The following GABRA2 variants were observed in gnomAD, a reference collection of about 807,000 sequenced individuals.
GABRA2 encodes gamma-aminobutyric acid type A receptor subunit alpha2.
GABRA2 carries 16 observed loss-of-function variants against 48.7 expected under a neutral mutation model. That is an observed-to-expected ratio of 0.33 (90% confidence interval 0.22 to 0.50). The LOEUF is 0.50. GABRA2 is among the 20% of genes least tolerant of loss of function. The pLI, the probability that GABRA2 is intolerant of heterozygous loss-of-function variation, is 0.98. For missense variants in GABRA2, 275 were observed against 535.6 expected (o/e 0.51, Z 4.80); for synonymous variants, 185 against 184.5 (o/e 1.00, Z -0.02).
At chr4:46,323,423 C>A (rs16859315) in intron 4 of GABRA2, among the ~76,000 whole-genome samples, 2 of 151,760 alleles carry the variant, frequency 1.3e-5, no homozygotes, top group Non-Finnish European at 2.9e-5. Context: ...CCCTAAAAAC[C>A]GTACCAAACT....
chr4:46,303,413 T>C (rs200222572), intron 8 of GABRA2, 47 bp downstream of exon 8: 2 of 1,510,152 alleles, frequency 1.3e-6, no homozygotes, highest in Non-Finnish European at 1.8e-6. Context: ...TTTGAAAGTA[T>C]GCTATGAAAC....
chr4:46,317,975 A>C (rs1000519640), intron 4 of GABRA2, among the ~76,000 whole-genome samples: 7 of 151,636 alleles, frequency 4.6e-5, no homozygotes, highest in Non-Finnish European at 8.9e-5. Context: ...ACAAATACCG[A>C]AAGTTGATGG....
At chr4:46,294,085 C>T (rs1577940950) in intron 8 of GABRA2, among the ~76,000 whole-genome samples, 1 of 152,330 alleles carries the variant, frequency 6.6e-6, no homozygotes, top group East Asian at 1.9e-4. Flanking sequence ...CTGGCAAGGC[C>T]AGCAACACCC....
rs1000087494 is a variant in GABRA2 at position 46,306,360 on chromosome 4, G to A, written c.560-649C>T. On this transcript the variant is annotated intron_variant, in intron 6 of 9. Transcript: ENST00000381620. Reference sequence around the variant, plus strand: ...CAGTTAAACTATGGATTGGCAGGAAGAGGAAAAACTGCAACCAGATCAGAC... The same window carrying A: ...CAGTTAAACTATGGATTGGCAGGAAAAGGAAAAACTGCAACCAGATCAGAC... Among the ~76,000 whole-genome samples the A allele has an allele frequency of 6.6e-5, 10 of 152,278 alleles. No homozygotes were observed. In the South Asian group the frequency reaches 1.5e-3, roughly 22 times the overall value.
intron 4 of GABRA2, among the ~76,000 whole-genome samples, chr4:46,332,286 T>C (rs1173106774): frequency 6.6e-6 from 1 of 152,188 alleles, no homozygotes; most frequent in Non-Finnish European, 1.5e-5. Context: ...TATATTCACT[T>C]TCCTTATGGA....
intron 4 of GABRA2, among the ~76,000 whole-genome samples, chr4:46,320,424 T>C (rs1385045494): frequency 6.6e-6 from 1 of 151,824 alleles, no homozygotes; most frequent in Non-Finnish European, 1.5e-5. Context: ...AATGTAAAAA[T>C]AAACAAGTCG....
chr4:46,289,339 A>G (rs1004961973), intron 8 of GABRA2, among the ~76,000 whole-genome samples: 1 of 152,242 alleles, frequency 6.6e-6, no homozygotes, highest in Non-Finnish European at 1.5e-5. Flanking sequence ...AAAATGTGGT[A>G]AATATACACC....
intron 8 of GABRA2, among the ~76,000 whole-genome samples, chr4:46,274,591 G>T (rs931290465): frequency 6.6e-6 from 1 of 152,016 alleles, no homozygotes; most frequent in Non-Finnish European, 1.5e-5. Flanking sequence ...AACTGCAGAC[G>T]CTTCCTCCAT....
chr4:46,343,507 C>A (rs1733643029), intron 3 of GABRA2, among the ~76,000 whole-genome samples: 1 of 151,708 alleles, frequency 6.6e-6, no homozygotes, highest in Non-Finnish European at 1.5e-5. Context: ...ATAGGGGAAA[C>A]TGCAGATTCA....
chr4:46,360,235 TA>T (rs1192522308), intron 3 of GABRA2, among the ~76,000 whole-genome samples: 2 of 152,250 alleles, frequency 1.3e-5, no homozygotes, highest in Non-Finnish European at 2.9e-5. Context: ...GTATATCAAT[TA>T]TGATATAGTT....
chr4:46,252,065 C>T (rs1714879420), intron 9 of GABRA2, among the ~76,000 whole-genome samples: 1 of 151,280 alleles, frequency 6.6e-6, no homozygotes, highest in African/African-American at 2.4e-5. Context: ...TATTTTGACT[C>T]TTATTTATTT....
At chr4:46,313,468 C>A (rs1728022379) in intron 4 of GABRA2, among the ~76,000 whole-genome samples, 1 of 151,982 alleles carries the variant, frequency 6.6e-6, no homozygotes, top group Admixed American at 6.6e-5. Context: ...CAGATAAACT[C>A]CCTCATGTTA....
intron 4 of GABRA2, among the ~76,000 whole-genome samples, chr4:46,318,167 T>C (rs279850): frequency 0.48 from 71,721 of 150,928 alleles, 17,612 homozygotes; most frequent in African/African-American, 0.59. Context: ...TAATAAACCA[T>C]TTAAACATTA....
At chr4:46,294,865 C>T (rs1435630382) in intron 8 of GABRA2, among the ~76,000 whole-genome samples, 1 of 152,178 alleles carries the variant, frequency 6.6e-6, no homozygotes, top group Non-Finnish European at 1.5e-5. Context: ...TGCTTTCTGA[C>T]CCATCTAACC....
intron 5 of GABRA2, among the ~76,000 whole-genome samples, chr4:46,312,006 G>C (rs954983394): frequency 6.6e-6 from 1 of 152,186 alleles, no homozygotes; most frequent in South Asian, 2.1e-4. Flanking sequence ...GGCTGAGACA[G>C]GAGAATCACT....
chr4:46,268,855 C>A (rs748061537), intron 8 of GABRA2, among the ~76,000 whole-genome samples: 4 of 151,692 alleles, frequency 2.6e-5, no homozygotes, highest in Non-Finnish European at 4.4e-5. Flanking sequence ...AAGTATTAGT[C>A]CTCAAAAAAA....
chr4:46,311,116 C>A (rs747240383), intron 5 of GABRA2, among the ~76,000 whole-genome samples: 8 of 151,726 alleles, frequency 5.3e-5, no homozygotes, highest in Non-Finnish European at 1.0e-4. Flanking sequence ...TTATTTAAAC[C>A]CTAAAGTTTT....
At chr4:46,361,787 T>C (rs1311106083) in intron 3 of GABRA2, among the ~76,000 whole-genome samples, 1 of 152,212 alleles carries the variant, frequency 6.6e-6, no homozygotes, top group African/African-American at 2.4e-5. Flanking sequence ...CCCAAGGCCA[T>C]GGTAGCCCAC....
chr4:46,388,075 TTAA>T (rs776147860), intron 2 of GABRA2, among the ~76,000 whole-genome samples: 69 of 152,296 alleles, frequency 4.5e-4, no homozygotes, highest in Non-Finnish European at 8.5e-4. Flanking sequence ...GAAAAAAATC[TTAA>T]TAATGCAAAA....
Sources: gnomAD v4.1 joint callset for allele counts (sites outside exome capture counted in the v4.1 genomes callset) on GRCh38, gnomAD v4.1.1 for gene constraint, MANE v1.5 for transcripts, NCBI Gene and HGNC (gene_info 2026-07-23, HGNC 2026-07-21) for gene names.